Variants in HAS3 observed in about 807,000 individuals in gnomAD.
HAS3 encodes HA synthase 3.
Under a neutral mutation model 50.3 loss-of-function variants are expected in HAS3, and 27 were observed. That is an observed-to-expected ratio of 0.54 (90% CI 0.40 to 0.74). The LOEUF (loss-of-function observed/expected upper bound fraction) is 0.74, where lower values mean the gene tolerates loss of function less well. Among genes scored for constraint, HAS3 ranks in the 30% least tolerant of loss-of-function variants. The pLI is 0.00. For synonymous variants in HAS3, 339 were observed against 310.9 expected, an observed-to-expected ratio of 1.09 and a Z score of -0.95; for missense variants, 517 against 742.8, an observed-to-expected ratio of 0.70 and a Z score of 3.53.
chr16:69,112,089 C>T (rs1961022783), intron 2 of HAS3, among the ~76,000 whole-genome samples: 1 of 152,264 alleles, frequency 6.6e-6, no homozygotes. Flanking sequence ...AGTGGGGAAA[C>T]CCAGGCAGCA....
the HAS3 span, among the ~76,000 whole-genome samples, chr16:69,092,521 A>G: frequency 2.0e-5 from 3 of 150,892 alleles, no homozygotes; most frequent in Admixed American, 1.3e-4. Context: ...GAGAATCACT[A>G]GCCCAGGAGG....
At chr16:69,093,357 G>T in the HAS3 span, among the ~76,000 whole-genome samples, 1 of 149,146 alleles carries the variant, frequency 6.7e-6, no homozygotes. Context: ...GATTACAGGC[G>T]CATGCCACCA....
the HAS3 span, among the ~76,000 whole-genome samples, chr16:69,089,007 C>T: frequency 1.7e-4 from 26 of 152,140 alleles, 1 homozygote; most frequent in Non-Finnish European, 4.4e-5. Context: ...GATCCCCAGC[C>T]CTTTTCATGC....
chr16:69,117,558 C>T lies in HAS3; in HGVS notation c.*2292C>T. On this transcript the variant is annotated 3_prime_UTR_variant, in exon 4 of 4. Coordinates refer to ENST00000569188, the MANE Select transcript of HAS3 (RefSeq NM_001199280.2). ...TATTGTTTCTACAATAATTTGTAAA[C>T]ATATTTATTTTTACCTGCTTTTTTT... The T allele has an allele frequency of 1.2e-6, 1 of 800,466 alleles. No individual in the cohort carries two copies. The highest frequency in any genetic ancestry group is 1.5e-6 in the Non-Finnish European group (1 of 664,798). The allele number at this position is 800,466 out of a possible 1,614,324, so 49.6% of individuals were successfully genotyped here.
chr16:69,104,645 T>G (rs984347150), upstream of HAS3, among the ~76,000 whole-genome samples: 4 of 152,106 alleles, frequency 2.6e-5, no homozygotes, highest in African/African-American at 9.7e-5. Context: ...AGTCTCGCTT[T>G]GTTGCCCAGG....
At chr16:69,084,580 A>G in the HAS3 span, 3 of 152,380 alleles carry the variant, frequency 2.0e-5, no homozygotes, top group Non-Finnish European at 4.4e-5. Context: ...TGTGGTCTCC[A>G]CTTTATTTCT....
rs1469130289 is a variant in HAS3, at chr16:69,117,486, T to G, written c.*2220T>G. 1 of 984,452 alleles carries G rather than the reference T, an allele frequency of 1.0e-6. No individual in the cohort carries two copies. Among genetic ancestry groups the G allele is most frequent in the Non-Finnish European group, 1.2e-6 (1 of 828,772 alleles). The allele number at this position is 984,452 out of a possible 1,614,324, so 61.0% of individuals were successfully genotyped here. A position where few individuals can be genotyped will look rare whatever the true frequency, so the allele number is the denominator to read the frequency against. On this transcript the variant is annotated 3_prime_UTR_variant, in exon 4 of 4. Coordinates refer to ENST00000569188, the MANE Select transcript of HAS3 (RefSeq NM_001199280.2). The stretch of plus-strand genomic sequence containing the variant: ...TGCAAGGGAAGAGCCTTTATACAAT[T>G]GGACGCATTTTGGTTTTTCCTCATT...
chr16:69,086,538 G>GTC, the HAS3 span, among the ~76,000 whole-genome samples: 1 of 151,696 alleles, frequency 6.6e-6, no homozygotes, highest in Admixed American at 6.6e-5. Flanking sequence ...GTGTGTGTGT[G>GTC]TGTGTGTGTG....
chr16:69,093,314 C>A, the HAS3 span, among the ~76,000 whole-genome samples: 1 of 152,124 alleles, frequency 6.6e-6, no homozygotes, highest in East Asian at 1.9e-4. Context: ...CGAGTTCAAG[C>A]GATTCTCCTG....
At chr16:69,117,927 G>C (rs568790325), downstream of HAS3, 2 of 205,988 alleles carry the variant, frequency 9.7e-6, no homozygotes, top group Admixed American at 1.1e-4. Context: ...CATGATGTAA[G>C]ACTGTAGCCA....
chr16:69,105,092 C>A (rs1336890357), upstream of HAS3, among the ~76,000 whole-genome samples: 1 of 144,146 alleles, frequency 6.9e-6, no homozygotes, highest in Non-Finnish European at 1.5e-5. Context: ...ACTGCAACCT[C>A]CACCTGCGGG....
chr16:69,114,307 A>G lies in HAS3; in HGVS notation c.739-36A>G. 1 of 1,549,316 alleles carries G rather than the reference A, an allele frequency of 6.5e-7. No individual in the cohort carries two copies. Among genetic ancestry groups the G allele is most frequent in the Non-Finnish European group, 8.7e-7 (1 of 1,152,666 alleles). On this transcript the variant is annotated intron_variant, in intron 3 of 3. Coordinates refer to ENST00000569188, the MANE Select transcript of HAS3 (RefSeq NM_001199280.2). The surrounding 1 kb of genome is among the most constrained non-coding windows in gnomAD (Gnocchi z 6.4). ...TCTGATGTCTGTCCTCCGGACGTGCAACCTTAGGAGGCCCAGCATCTCTAT... is the reference window on the plus strand; with the variant it reads ...TCTGATGTCTGTCCTCCGGACGTGCGACCTTAGGAGGCCCAGCATCTCTAT...
Position 69,116,633 on chromosome 16 carries a change from G to C in HAS3, c.*1367G>C, listed in dbSNP as rs76394256. 7.1e-6 allele frequency: 7 copies of C among 985,316 alleles called. No individual in the cohort carries two copies. The South Asian group carries it at 1.9e-4, about 26-fold the overall frequency. The allele number at this position is 985,316 out of a possible 1,614,324, so 61.0% of individuals were successfully genotyped here. A position where few individuals can be genotyped will look rare whatever the true frequency, so the allele number is the denominator to read the frequency against. On this transcript the variant is annotated 3_prime_UTR_variant, in exon 4 of 4. Transcript: ENST00000569188. The stretch of plus-strand genomic sequence containing the variant: ...GAAACCAAACTAGGAGATGAAACTG[G>C]TTCCTACATCCTAAGGTTCTTGCTT...
At chr16:69,088,807 A>C in the HAS3 span, among the ~76,000 whole-genome samples, 1 of 152,146 alleles carries the variant, frequency 6.6e-6, no homozygotes, top group Non-Finnish European at 1.5e-5. Flanking sequence ...AGCAGGTCTC[A>C]GGAGGAAGGG....
Position 69,113,480 on chromosome 16 carries a change from A to G in HAS3, c.676A>G (p.Ile226Val), listed in dbSNP as rs1413624388. 15 of 1,613,916 alleles carry G rather than the reference A, an allele frequency of 9.3e-6. No homozygotes were observed. The highest frequency in any genetic ancestry group is 2.2e-5 in the East Asian group (1 of 44,870). ...SDTVLDPACT[I>V]EMLRVLEEDP... Reference sequence around the variant, plus strand: ...CACTGTGCTGGATCCAGCCTGCACCATCGAGATGCTTCGAGTCCTGGAGGA... The same window carrying G: ...CACTGTGCTGGATCCAGCCTGCACCGTCGAGATGCTTCGAGTCCTGGAGGA... The change falls in exon 3 of 4, where the codon ATC (isoleucine) becomes GTC (valine). Residue 226 changes from isoleucine (I) to valine (V), a missense_variant. Physicochemically the swap from Ile to Val is conservative, Grantham distance 29. Coordinates refer to ENST00000569188, the MANE Select transcript of HAS3 (RefSeq NM_001199280.2).
the HAS3 span, among the ~76,000 whole-genome samples, chr16:69,090,012 G>A: frequency 1.6e-4 from 25 of 152,342 alleles, no homozygotes; most frequent in Non-Finnish European, 3.4e-4. Flanking sequence ...TTGGCTCCAA[G>A]TCTGCTGGGT....
In HAS3 at chr16:69,107,593, G is replaced by A. The variant is rs957958173; in HGVS notation, c.1-1803G>A. 78 of 985,352 alleles carry A rather than the reference G, an allele frequency of 7.9e-5. No individual in the cohort carries two copies. Among genetic ancestry groups the A allele is most frequent in the Non-Finnish European group, 9.0e-5 (75 of 829,964 alleles). 61.0% of individuals were successfully genotyped at this position (985,352 alleles called of 1,614,324 possible). ...TGGGCGCCGCCTCCGGCACTGCACCGAGGCGGGGCGCCAGCGCCCAGGTTG... is the reference window on the plus strand; with the variant it reads ...TGGGCGCCGCCTCCGGCACTGCACCAAGGCGGGGCGCCAGCGCCCAGGTTG... On this transcript the variant is annotated intron_variant, in intron 1 of 3. Coordinates refer to ENST00000569188, the MANE Select transcript of HAS3 (RefSeq NM_001199280.2). The surrounding 1 kb of genome is among the most constrained non-coding windows in gnomAD (Gnocchi z 5.5).
chr16:69,095,997 T>A, the HAS3 span, among the ~76,000 whole-genome samples: 5 of 150,702 alleles, frequency 3.3e-5, no homozygotes, highest in Admixed American at 3.3e-4. Context: ...GGTGGATCAC[T>A]TGAGGTCAGG....
the HAS3 span, chr16:69,083,567 A>G: frequency 5.6e-6 from 9 of 1,609,280 alleles, no homozygotes; most frequent in Non-Finnish European, 7.6e-6. Flanking sequence ...GCCAAGCTCC[A>G]TGCCCAGTTG....
Sources: gnomAD v4.1 joint callset for allele counts (sites outside exome capture counted in the v4.1 genomes callset) on GRCh38, gnomAD v4.1.1 for gene constraint, Gnocchi (gnomAD v3.1) non-coding constraint, MANE v1.5 for transcripts, NCBI Gene and HGNC (gene_info 2026-07-23, HGNC 2026-07-21) for gene names.